The following ANO2 variants were observed in gnomAD, a reference collection of about 807,000 sequenced individuals.
ANO2 encodes anoctamin 2, also known as anoctamin-2.
A neutral mutation model predicts 124.2 loss-of-function variants in ANO2; 101 were observed. The ratio of observed to expected loss-of-function variants is 0.81; its 90% confidence interval spans 0.69 to 0.96. The LOEUF is 0.96. ANO2 is among the 40% of genes least tolerant of loss of function. The pLI, the probability that ANO2 is intolerant of heterozygous loss-of-function variation, is 0.00. For synonymous variants in ANO2, 486 were observed against 482.5 expected (o/e 1.01, Z -0.09); for missense variants, 1,293 against 1,274.5 (o/e 1.01, Z -0.22).
intron 19 of ANO2, among the ~76,000 whole-genome samples, chr12:5,601,701 T>C (rs1443733990): frequency 3.3e-5 from 5 of 152,328 alleles, no homozygotes; most frequent in Admixed American, 2.0e-4. Context: ...AAATTGAATA[T>C]AAACATATAT....
Position 5,578,394 on chromosome 12 carries a change from C to A in ANO2, c.2358G>T (p.Arg786=), listed in dbSNP as rs1942545795. The A allele has an allele frequency of 6.2e-7, 1 of 1,613,946 alleles. No individual in the cohort carries two copies. The highest frequency in any genetic ancestry group is 1.1e-5 in the South Asian group (1 of 91,070). ...DAKKFVTELR[R]PDAVRTKDIG... is the part of the protein sequence containing the mutation. ...TATCTTTGGTTCTTACAGCATCCGG[C>A]CGTCTCAGCTCTGTAACAAACTTCT... Residue 786 remains arginine (R), a synonymous_variant, in exon 21 of 25, where the codon CGG becomes CGT. Transcript: ENST00000682330.
intron 19 of ANO2, 61 bp from the exon 20 acceptor site, chr12:5,599,690 C>A: frequency 6.4e-7 from 1 of 1,558,284 alleles, no homozygotes; most frequent in Non-Finnish European, 8.7e-7. Flanking sequence ...GTTTTGCAGA[C>A]AGAAAAAAGA....
At chr12:5,798,464 T>C (rs1174092637) in intron 10 of ANO2, among the ~76,000 whole-genome samples, 1 of 152,124 alleles carries the variant, frequency 6.6e-6, no homozygotes, top group Admixed American at 6.5e-5. Context: ...TTCCTCCCTC[T>C]AGACTCGATT....
chr12:5,696,566 C>A (rs1184415489), intron 14 of ANO2, among the ~76,000 whole-genome samples: 1 of 152,114 alleles, frequency 6.6e-6, no homozygotes, highest in East Asian at 1.9e-4. Context: ...CATAACCCTG[C>A]CTTTCTATAA....
intron 10 of ANO2, among the ~76,000 whole-genome samples, chr12:5,782,090 G>T (rs1348824821): frequency 6.6e-6 from 1 of 152,066 alleles, no homozygotes; most frequent in East Asian, 1.9e-4. Flanking sequence ...TTTTCGTTTT[G>T]TCAACTACTG....
In ANO2 at chr12:5,928,513, T is replaced by A. The variant is rs28445866; in HGVS notation, c.23-5709A>T. Among the ~76,000 whole-genome samples, 25 of 136,458 alleles carry A rather than the reference T, an allele frequency of 1.8e-4. 1 individual carries two copies. The highest frequency in any genetic ancestry group is 3.1e-4 in the Admixed American group (4 of 13,094). 89.5% of individuals were successfully genotyped at this position (136,458 alleles called of 152,430 possible). ...CCTCACTGGTCTACTTTCCTTCCTC[T>A]CTAGTCTACCTTCCTTCCTTACTCG... On this transcript the variant is annotated intron_variant, in intron 1 of 24. Transcript: ENST00000682330.
At chr12:5,737,407 TA>T (rs1950915872) in intron 13 of ANO2, among the ~76,000 whole-genome samples, 1 of 152,210 alleles carries the variant, frequency 6.6e-6, no homozygotes, top group African/African-American at 2.4e-5. Flanking sequence ...AAAAATGGAT[TA>T]TAATCTCACC....
At position 5,787,425 on chromosome 12, in the gene ANO2, C is replaced by A. The variant is rs1952569762; in HGVS notation, c.1055+12082G>T. Among the ~76,000 whole-genome samples the A allele has an allele frequency of 6.6e-6, 1 of 152,202 alleles. No homozygotes were observed. Among genetic ancestry groups the A allele is most frequent in the Non-Finnish European group, 1.5e-5 (1 of 68,042 alleles). ...AGCTGAAGCTCCAGCATCCCAGTGCCTTCCCCCAGCAGTGGGGCATACACA... is the reference window on the plus strand; with the variant it reads ...AGCTGAAGCTCCAGCATCCCAGTGCATTCCCCCAGCAGTGGGGCATACACA... On this transcript the variant is annotated intron_variant, in intron 10 of 24. Transcript: ENST00000682330. The surrounding 1 kb of genome is among the most constrained non-coding windows in gnomAD (Gnocchi z 4.2).
At chr12:5,672,896 T>C (rs529952622) in intron 14 of ANO2, among the ~76,000 whole-genome samples, 32 of 152,330 alleles carry the variant, frequency 2.1e-4, no homozygotes, top group African/African-American at 6.5e-4. Context: ...CATAGTCTTA[T>C]GTCTGGATTT....
intron 14 of ANO2, among the ~76,000 whole-genome samples, chr12:5,655,209 C>G (rs113327893): frequency 6.6e-6 from 1 of 152,220 alleles, no homozygotes. Flanking sequence ...ATTTTATCTT[C>G]GTTTTTTCAC....
At chr12:5,932,790 G>A (rs569216772) in intron 1 of ANO2, among the ~76,000 whole-genome samples, 3 of 152,202 alleles carry the variant, frequency 2.0e-5, no homozygotes, top group African/African-American at 7.2e-5. Flanking sequence ...AATGGGAGGA[G>A]AGTCAACATG....
chr12:5,896,460 C>T (rs1353303758), intron 3 of ANO2, among the ~76,000 whole-genome samples: 1 of 152,110 alleles, frequency 6.6e-6, no homozygotes. Context: ...TTAGTATTCA[C>T]TTATAACATT....
rs73047642 is a variant in ANO2 at position 5,899,426 on chromosome 12, A to C, written c.534+21614T>G. Among the ~76,000 whole-genome samples, 1,136 of 152,330 alleles carry C rather than the reference A, an allele frequency of 7.5e-3. 9 individuals are homozygous for C. The highest frequency in any genetic ancestry group is 0.013 in the Non-Finnish European group (894 of 68,024). On this transcript the variant is annotated intron_variant, in intron 3 of 24. Transcript: ENST00000682330. The stretch of plus-strand genomic sequence containing the variant: ...GGCAACTCCGCAGAGCCAGGGGAAT[A>C]AGAAAGCAGTCCTGTGTCATGCAAA...
At chr12:5,813,045 GA>G (rs1229471407) in intron 7 of ANO2, among the ~76,000 whole-genome samples, 3 of 85,920 alleles carry the variant, frequency 3.5e-5, no homozygotes, top group Non-Finnish European at 5.0e-5. Flanking sequence ...AAGAAACAAA[GA>G]AAGAAAGAGG....
chr12:5,938,407 T>C (rs778192525), intron 1 of ANO2, among the ~76,000 whole-genome samples: 1 of 152,226 alleles, frequency 6.6e-6, no homozygotes, highest in Non-Finnish European at 1.5e-5. Context: ...TTTTCCAGTA[T>C]TATAATTTAT....
intron 19 of ANO2, among the ~76,000 whole-genome samples, chr12:5,604,469 A>G (rs1307604407): frequency 6.6e-6 from 1 of 152,214 alleles, no homozygotes; most frequent in Non-Finnish European, 1.5e-5. Context: ...GAGCAATGCC[A>G]ACTATGGATA....
intron 10 of ANO2, among the ~76,000 whole-genome samples, chr12:5,779,821 A>C (rs1250719795): frequency 6.6e-6 from 1 of 152,252 alleles, no homozygotes. Context: ...ACCTTCTATA[A>C]AATGATCCTT....
At chr12:5,618,531 A>G (rs1443748285) in intron 16 of ANO2, among the ~76,000 whole-genome samples, 4 of 152,216 alleles carry the variant, frequency 2.6e-5, no homozygotes, top group Non-Finnish European at 5.9e-5. Context: ...AAGATCACAC[A>G]GCAGATAAGT....
chr12:5,636,795 T>C lies in ANO2; in HGVS notation c.1621-1448A>G, dbSNP rs1040249992. Among the ~76,000 whole-genome samples the C allele has an allele frequency of 1.3e-5, 2 of 151,852 alleles. No individual in the cohort carries two copies. The highest frequency in any genetic ancestry group is 4.8e-5 in the African/African-American group (2 of 41,344). On this transcript the variant is annotated intron_variant, in intron 15 of 24. Transcript: ENST00000682330. The surrounding 1 kb of genome is among the most constrained non-coding windows in gnomAD (Gnocchi z 4.6). ...GACACTCCAGTGGCTTGCTAATGGGTGGCAGATGTGTCCAGGTATGGATGT... is the reference window on the plus strand; with the variant it reads ...GACACTCCAGTGGCTTGCTAATGGGCGGCAGATGTGTCCAGGTATGGATGT...
Sources: gnomAD v4.1 joint callset for allele counts (sites outside exome capture counted in the v4.1 genomes callset) on GRCh38, gnomAD v4.1.1 for gene constraint, Gnocchi (gnomAD v3.1) non-coding constraint, MANE v1.5 for transcripts, NCBI Gene and HGNC (gene_info 2026-07-23, HGNC 2026-07-21) for gene names.